PVT1: variants seen among roughly 807,000 people sequenced by gnomAD.
PVT1 encodes Pvt1 oncogene, also known as CXCR4/PVT1 fusion.
chr8:127,934,369 C>G (rs1196434569), intron 3 of PVT1, among the ~76,000 whole-genome samples: 1 of 152,232 alleles, frequency 6.6e-6, no homozygotes, highest in Non-Finnish European at 1.5e-5. Context: ...GTGGTGGTGA[C>G]TGGGGTGGGG....
chr8:128,053,959 T>G (rs1024463360), intron 4 of PVT1, among the ~76,000 whole-genome samples: 1 of 152,230 alleles, frequency 6.6e-6, no homozygotes, highest in Non-Finnish European at 1.5e-5. Flanking sequence ...CTTCCTGGCC[T>G]GATTGACACA....
chr8:128,071,186 G>A (rs766022466), intron 5 of PVT1, among the ~76,000 whole-genome samples: 2 of 152,172 alleles, frequency 1.3e-5, no homozygotes, highest in African/African-American at 4.8e-5. Flanking sequence ...TGCAGGTTCT[G>A]CGTGACAGAA....
chr8:127,869,285 C>T (rs1448544488), intron 2 of PVT1, among the ~76,000 whole-genome samples: 1 of 151,986 alleles, frequency 6.6e-6, no homozygotes, highest in Non-Finnish European at 1.5e-5. Context: ...CATGCACCAC[C>T]ACACCCGGCT....
chr8:128,010,686 A>T (rs770565007), intron 4 of PVT1: 2 of 152,078 alleles, frequency 1.3e-5, no homozygotes, highest in Non-Finnish European at 2.9e-5. Context: ...GACTTAGGAG[A>T]GGTCTTGGCT....
chr8:127,940,867 G>A (rs1262475620), intron 3 of PVT1, among the ~76,000 whole-genome samples: 2 of 152,208 alleles, frequency 1.3e-5, no homozygotes, highest in Non-Finnish European at 2.9e-5. Flanking sequence ...CTTCTAAAGT[G>A]CTGTGATTAC....
chr8:127,962,633 G>A (rs954956462), intron 3 of PVT1, among the ~76,000 whole-genome samples: 3 of 151,914 alleles, frequency 2.0e-5, no homozygotes, highest in Non-Finnish European at 4.4e-5. Flanking sequence ...TTGACGATTT[G>A]TTGACGAGGC....
At position 128,015,238 on chromosome 8, in the gene PVT1, C is replaced by T. The variant is rs182962340; in HGVS notation, n.912+25947C>T. Among the ~76,000 whole-genome samples, 10 of 152,086 alleles carry T rather than the reference C, an allele frequency of 6.6e-5. No individual in the cohort carries two copies. The East Asian group carries it at 1.9e-3, about 30-fold the overall frequency. ...CTGAGTAACTGGGATTGCAGGCGTG[C>T]ACCAACACATCAGGCTACTTTTTGT... On this transcript the variant is annotated intron_variant and non_coding_transcript_variant, in intron 4 of 10. Transcript: ENST00000651587.
At chr8:127,940,374 G>C (rs548683013) in intron 3 of PVT1, 1 of 152,264 alleles carries the variant, frequency 6.6e-6, no homozygotes, top group East Asian at 1.9e-4. Context: ...TGAGACTGCA[G>C]AGCAGAACGG....
chr8:128,065,359 T>C (rs1813892277), intron 4 of PVT1, among the ~76,000 whole-genome samples: 1 of 152,188 alleles, frequency 6.6e-6, no homozygotes, highest in Non-Finnish European at 1.5e-5. Flanking sequence ...GCCTGGTTAA[T>C]TTTTGTATCA....
intron 3 of PVT1, among the ~76,000 whole-genome samples, chr8:127,951,680 A>G (rs1366254297): frequency 6.6e-6 from 1 of 152,184 alleles, no homozygotes; most frequent in African/African-American, 2.4e-5. Flanking sequence ...CCTTCAAGGG[A>G]AGAACTGTTT....
intron 3 of PVT1, among the ~76,000 whole-genome samples, chr8:127,899,521 G>A (rs182829015): frequency 1.7e-4 from 26 of 152,248 alleles, no homozygotes; most frequent in Non-Finnish European, 3.2e-4. Flanking sequence ...TGCCCCTCAC[G>A]CGCTTGTTGA....
chr8:128,091,376 G>A (rs1814349719), intron 5 of PVT1, among the ~76,000 whole-genome samples: 1 of 152,164 alleles, frequency 6.6e-6, no homozygotes, highest in Non-Finnish European at 1.5e-5. Flanking sequence ...CTCCTCTCCA[G>A]CTGGCTTTCT....
At chr8:127,843,570 G>A (rs1322251446) in intron 2 of PVT1, among the ~76,000 whole-genome samples, 1 of 151,978 alleles carries the variant, frequency 6.6e-6, no homozygotes, top group Non-Finnish European at 1.5e-5. Flanking sequence ...AGCCTCTTGA[G>A]TAGCTGGGAC....
intron 2 of PVT1, among the ~76,000 whole-genome samples, chr8:127,817,421 G>T (rs376051248): frequency 4.6e-5 from 6 of 130,920 alleles, no homozygotes; most frequent in East Asian, 2.2e-4. Flanking sequence ...TATTTAAATA[G>T]ATATATATAT....
intron 2 of PVT1, among the ~76,000 whole-genome samples, chr8:127,855,648 G>T (rs529449633): frequency 1.2e-4 from 18 of 152,278 alleles, no homozygotes; most frequent in African/African-American, 4.1e-4. Context: ...CACCTTTCCC[G>T]GTGAACTCCC....
chr8:127,811,653 A>G (rs1365777352), intron 2 of PVT1, among the ~76,000 whole-genome samples: 1 of 152,226 alleles, frequency 6.6e-6, no homozygotes, highest in Non-Finnish European at 1.5e-5. Flanking sequence ...TGGAAAAGTC[A>G]TCATTCCTTA....
intron 5 of PVT1, among the ~76,000 whole-genome samples, chr8:128,083,353 T>C (rs1388027612): frequency 6.6e-6 from 1 of 152,260 alleles, no homozygotes; most frequent in African/African-American, 2.4e-5. Flanking sequence ...GGCCTGGGTT[T>C]GCATCTTGAT....
At chr8:127,955,983 G>A (rs1351801491) in intron 3 of PVT1, among the ~76,000 whole-genome samples, 1 of 152,272 alleles carries the variant, frequency 6.6e-6, no homozygotes, top group Non-Finnish European at 1.5e-5. Flanking sequence ...TAAATTTGTA[G>A]CTGGGTAGTT....
intron 5 of PVT1, among the ~76,000 whole-genome samples, chr8:128,089,673 G>A (rs1656761329): frequency 6.6e-6 from 1 of 152,158 alleles, no homozygotes; most frequent in Non-Finnish European, 1.5e-5. Context: ...GGTGTGGGGG[G>A]GGTCATAATT....
Sources: gnomAD v4.1 joint callset for allele counts (sites outside exome capture counted in the v4.1 genomes callset) on GRCh38, gnomAD v4.1.1 for gene constraint, MANE v1.5 for transcripts, NCBI Gene and HGNC (gene_info 2026-07-23, HGNC 2026-07-21) for gene names.